The following DIP2B variants were observed in gnomAD, a reference collection of about 807,000 sequenced individuals.
The protein encoded by DIP2B is DIP2 acetate--CoA ligase B (putative).
Under a neutral mutation model 198.0 loss-of-function variants are expected in DIP2B, and 76 were observed. The ratio of observed to expected loss-of-function variants is 0.38; its 90% CI spans 0.32 to 0.46. The LOEUF (loss-of-function observed/expected upper bound fraction) is 0.46, where lower values mean the gene tolerates loss of function less well. Among genes scored for constraint, DIP2B ranks in the 20% least tolerant of loss-of-function variants. DIP2B has a pLI of 0.99. For synonymous variants in DIP2B, 701 were observed against 739.1 expected (o/e 0.95, Z 0.84); for missense variants, 1,559 against 1,978.4 (o/e 0.79, Z 4.02).
intron 18 of DIP2B, 141 bp downstream of exon 18, chr12:50,698,608 G>A: frequency 9.6e-7 from 1 of 1,038,112 alleles, no homozygotes; most frequent in Non-Finnish European, 1.3e-6. Flanking sequence ...CTCTCTAATA[G>A]TTAAGTCATT....
chr12:50,661,581 G>T (rs1025671220), intron 4 of DIP2B, among the ~76,000 whole-genome samples: 1 of 152,098 alleles, frequency 6.6e-6, no homozygotes, highest in Non-Finnish European at 1.5e-5. Context: ...ACCTCTAGCC[G>T]GCTATCACAG....
intron 22 of DIP2B, among the ~76,000 whole-genome samples, chr12:50,709,637 CAA>C (rs60753279): frequency 4.4e-4 from 56 of 128,070 alleles, no homozygotes; most frequent in Admixed American, 5.6e-4. Flanking sequence ...GACTCTGTCT[CAA>C]AAAAAAAAAA....
At chr12:50,691,016 T>C in intron 12 of DIP2B, 33 bp from the exon 13 acceptor site, 1 of 1,584,150 alleles carries the variant, frequency 6.3e-7, no homozygotes, top group South Asian at 1.1e-5. Flanking sequence ...CCCATTTTAT[T>C]GTGTTTCTTA....
chr12:50,744,997 A>G lies in DIP2B; in HGVS notation c.*158A>G. 2 of 937,808 alleles carry G rather than the reference A, an allele frequency of 2.1e-6. No homozygotes were observed. The highest frequency in any genetic ancestry group is 3.1e-6 in the Non-Finnish European group (2 of 642,712). The allele number at this position is 937,808 out of a possible 1,614,324, so 58.1% of individuals were successfully genotyped here. ...GATTCTGCAATCATAAAACACAGGA[A>G]AGGGGAATTCTGTGATGGCAAATGA... On this transcript the variant is annotated 3_prime_UTR_variant, in exon 38 of 38. Transcript: ENST00000301180.
chr12:50,567,863 T>A (rs1958579602), intron 1 of DIP2B, among the ~76,000 whole-genome samples: 1 of 152,216 alleles, frequency 6.6e-6, no homozygotes, highest in South Asian at 2.1e-4. Context: ...CTGTTTAATT[T>A]CCGTTTGGGT....
Position 50,699,080 on chromosome 12 carries a change from G to A in DIP2B, c.2203G>A (p.Val735Met), listed in dbSNP as rs1032519552. The A allele has an allele frequency of 6.2e-7, 1 of 1,614,034 alleles. No individual in the cohort carries two copies. Among genetic ancestry groups the A allele is most frequent in the Admixed American group, 1.7e-5 (1 of 59,984 alleles). ...CTGTACGTTAGGGATGATGTGCATT[G>A]TGAAACCAGATGGACCTCCCCAGCT... ...HVMPGGMMCI[V>M]KPDGPPQLCK... The change falls in exon 19 of 38, where the codon GTG becomes ATG. Residue 735 changes from valine (V) to methionine (M), a missense_variant. Val to Met is a conservative substitution (Grantham distance 21). Coordinates refer to ENST00000301180, the MANE Select transcript of DIP2B (RefSeq NM_173602.3).
In DIP2B at chr12:50,741,471, A is replaced by G; in HGVS notation, c.4410A>G (p.Arg1470=). ...VGALDETLEL[R]GLRYHPIDIE... is the part of the protein sequence containing the mutation. The stretch of plus-strand genomic sequence containing the variant: ...CGCTGGATGAAACACTGGAGCTGAG[A>G]GGATTACGATACCACCCAATTGATA... The change falls in exon 37 of 38, where the codon AGA becomes AGG. Residue 1470 remains arginine, a synonymous_variant. Coordinates refer to ENST00000301180, the MANE Select transcript of DIP2B (RefSeq NM_173602.3). The G allele has an allele frequency of 2.5e-6, 4 of 1,614,174 alleles. No homozygotes were observed. The highest frequency in any genetic ancestry group is 3.4e-6 in the Non-Finnish European group (4 of 1,180,022).
rs141384657 is a variant in DIP2B, at chr12:50,531,713, C to G, written c.100+26473C>G. Among the ~76,000 whole-genome samples the G allele has an allele frequency of 1.9e-4, 29 of 152,264 alleles. No homozygotes were observed. In the East Asian group the frequency reaches 5.4e-3, roughly 28 times the overall value. ...AGGCAGGCGGGGTACCCTGCTGTTT[C>G]AAGCCTGGCCGTGTGAGGTGGAGAG... On this transcript the variant is annotated intron_variant, in intron 1 of 37. Transcript: ENST00000301180.
At chr12:50,566,190 A>G (rs913099131) in intron 1 of DIP2B, among the ~76,000 whole-genome samples, 1 of 152,030 alleles carries the variant, frequency 6.6e-6, no homozygotes, top group African/African-American at 2.4e-5. Context: ...CTACAGGTGC[A>G]TGCCACCATG....
Position 50,682,628 on chromosome 12 carries a change from C to CAAAAAA in DIP2B, c.1207-490_1207-485dup, listed in dbSNP as rs58672851. Among the ~76,000 whole-genome samples, 48 of 42,136 alleles carry CAAAAAA rather than the reference C, an allele frequency of 1.1e-3. 1 individual carries two copies. The highest frequency in any genetic ancestry group is 4.4e-3 in the African/African-American group (46 of 10,464). 27.6% of individuals were successfully genotyped at this position (42,136 alleles called of 152,430 possible). ...TGGGCGACAGAGCGAGACTCTGTCT[C>CAAAAAA]AAAAAAAAAAAAAAAAAAAAAAAAA... On this transcript the variant is annotated intron_variant, in intron 9 of 37. Transcript: ENST00000301180.
rs771855228 is a variant in DIP2B, at chr12:50,718,958, C to A, written c.2965C>A (p.Gln989Lys). 2.5e-6 allele frequency: 4 copies of A among 1,614,194 alleles called. No individual in the cohort carries two copies. In the South Asian group the frequency reaches 4.4e-5, roughly 18 times the overall value. Residue 989 changes from glutamine to lysine, a missense_variant, in exon 25 of 38, where the codon CAG becomes AAG. Coordinates refer to ENST00000301180, the MANE Select transcript of DIP2B (RefSeq NM_173602.3). ...IEENDLVRKHQFLAEILQWRA... is the reference protein window; with the variant it reads ...IEENDLVRKHKFLAEILQWRA... ...TTTTTCTGGTTTATGACTTCAGCAC[C>A]AGTTTCTGGCAGAGATCCTACAGTG...
At chr12:50,668,331 A>G (rs74089855) in intron 4 of DIP2B, among the ~76,000 whole-genome samples, 215 of 152,328 alleles carry the variant, frequency 1.4e-3, no homozygotes, top group African/African-American at 5.1e-3. Flanking sequence ...GAATAAGTAA[A>G]CAGTCTTCTC....
intron 1 of DIP2B, among the ~76,000 whole-genome samples, chr12:50,614,862 CCTTA>C (rs1473247075): frequency 1.1e-4 from 16 of 152,200 alleles, no homozygotes; most frequent in African/African-American, 3.9e-4. Flanking sequence ...GCAGTATTCT[CCTTA>C]CTTGTGTTTT....
intron 3 of DIP2B, among the ~76,000 whole-genome samples, chr12:50,653,186 TCTC>T (rs1938488375): frequency 1.3e-5 from 2 of 152,170 alleles, no homozygotes; most frequent in Non-Finnish European, 2.9e-5. Context: ...ACTGATTCAA[TCTC>T]CTTACTAGTT....
intron 2 of DIP2B, among the ~76,000 whole-genome samples, chr12:50,639,321 C>T (rs1236570070): frequency 6.6e-6 from 1 of 152,124 alleles, no homozygotes; most frequent in Non-Finnish European, 1.5e-5. Flanking sequence ...TTCCCCCTCA[C>T]CTAGTAGATG....
At chr12:50,719,104 C>G (rs1017355204) in intron 25 of DIP2B, 69 bp downstream of exon 25, 75 of 1,501,064 alleles carry the variant, frequency 5.0e-5, no homozygotes, top group Non-Finnish European at 6.4e-5. Context: ...CTCTTGATCT[C>G]TTTCTTTCAT....
rs1181476861 is a variant in DIP2B at position 50,683,119 on chromosome 12, A to G, written c.1207-19A>G. On this transcript the variant is annotated intron_variant, in intron 9 of 37. Coordinates refer to ENST00000301180, the MANE Select transcript of DIP2B (RefSeq NM_173602.3). ...TGTTTTTATTCCTCTGTTAAACTGA[A>G]TATCATTATGAATTTTAGGTAGCCC... The G allele has an allele frequency of 1.3e-6, 2 of 1,583,176 alleles. No homozygotes were observed. The highest frequency in any genetic ancestry group is 8.6e-7 in the Non-Finnish European group (1 of 1,161,116).
At chr12:50,660,450 C>T in intron 4 of DIP2B, 131 bp downstream of exon 4, 1 of 1,040,994 alleles carries the variant, frequency 9.6e-7, no homozygotes, top group Non-Finnish European at 1.3e-6. Flanking sequence ...AGAGAACACT[C>T]TGAGGTGGCA....
At chr12:50,541,342 G>A (rs759950962) in intron 1 of DIP2B, among the ~76,000 whole-genome samples, 1 of 149,546 alleles carries the variant, frequency 6.7e-6, no homozygotes, top group Non-Finnish European at 1.5e-5. Context: ...TCCTTTGTCA[G>A]CATTACATAG....
Sources: allele counts gnomAD v4.1 joint callset (sites outside exome capture counted in the v4.1 genomes callset), GRCh38; gene constraint gnomAD v4.1.1; transcripts MANE v1.5; gene names NCBI Gene and HGNC (gene_info 2026-07-23, HGNC 2026-07-21).